The following THSD7A variants were observed in gnomAD, a reference collection of about 807,000 sequenced individuals.
THSD7A encodes the protein thrombospondin type 1 domain containing 7A, also known as thrombospondin type-1 domain-containing protein 7A.
Under a neutral mutation model 231.3 loss-of-function variants are expected in THSD7A, and 96 were observed. That is an observed-to-expected ratio of 0.41 (90% confidence interval 0.35 to 0.49). The LOEUF is 0.49. Among genes scored for constraint, THSD7A ranks in the 20% least tolerant of loss-of-function variants. The pLI is 0.05. For missense variants in THSD7A, 2,290 were observed against 2,070.2 expected (o/e 1.11, Z -2.06); for synonymous variants, 940 against 743.3 (o/e 1.26, Z -4.30).
rs1001942368 is a variant in THSD7A at position 11,590,542 on chromosome 7, C to T, written c.1371G>A (p.Gly457=). The T allele has an allele frequency of 2.5e-6, 4 of 1,613,766 alleles. No individual in the cohort carries two copies. The African/African-American group carries it at 4.0e-5, about 16-fold the overall frequency. The change falls in exon 4 of 28, where the codon GGG becomes GGA. Residue 457 remains glycine, a synonymous_variant. Coordinates refer to ENST00000423059, the MANE Select transcript of THSD7A (RefSeq NM_015204.3). The surrounding 1 kb of genome is among the most constrained non-coding windows in gnomAD (Gnocchi z 4.4). ...RRGNQTALCG[G]GIQTREVYCV... ...AGTACACCTCTCGGGTCTGGATGCC[C>T]CCTCCACAGAGGGCCGTCTGGTTGC...
At chr7:11,769,139 A>ATT (rs1562541243) in intron 1 of THSD7A, among the ~76,000 whole-genome samples, 3 of 36,740 alleles carry the variant, frequency 8.2e-5, no homozygotes, top group African/African-American at 1.5e-4. Flanking sequence ...ATATATATAT[A>ATT]TATATATATA....
At chr7:11,586,233 G>A (rs1261043711) in intron 4 of THSD7A, among the ~76,000 whole-genome samples, 1 of 152,146 alleles carries the variant, frequency 6.6e-6, no homozygotes, top group Non-Finnish European at 1.5e-5. Flanking sequence ...GAAAGTTTTA[G>A]AAGTCAGTAA....
chr7:11,431,492 T>G (rs1784476969), intron 13 of THSD7A, among the ~76,000 whole-genome samples: 1 of 152,162 alleles, frequency 6.6e-6, no homozygotes, highest in Non-Finnish European at 1.5e-5. Context: ...TTGTTGAAAA[T>G]CAGTTGACCA....
intron 1 of THSD7A, among the ~76,000 whole-genome samples, chr7:11,767,302 A>G (rs368367969): frequency 1.5e-3 from 223 of 152,236 alleles, no homozygotes; most frequent in African/African-American, 5.3e-3. Flanking sequence ...GATGACCTAC[A>G]TTATCTGGTT....
At chr7:11,418,823 A>ATT (rs879259927) in intron 16 of THSD7A, among the ~76,000 whole-genome samples, 1 of 148,992 alleles carries the variant, frequency 6.7e-6, no homozygotes, top group Non-Finnish European at 1.5e-5. Context: ...CTACCTGTGC[A>ATT]TTTTTTTTTT....
intron 1 of THSD7A, among the ~76,000 whole-genome samples, chr7:11,713,184 A>G (rs891620736): frequency 6.6e-6 from 1 of 151,292 alleles, no homozygotes; most frequent in African/African-American, 2.4e-5. Flanking sequence ...TAGCAGCCAG[A>G]TAAAGAGATG....
At chr7:11,701,688 G>GCATTTCTAA (rs1780605866) in intron 1 of THSD7A, among the ~76,000 whole-genome samples, 2 of 151,044 alleles carry the variant, frequency 1.3e-5, no homozygotes, top group Non-Finnish European at 3.0e-5. Flanking sequence ...CTGACATTTA[G>GCATTTCTAA]CATTTCTAAC....
chr7:11,471,570 C>T (rs1785939253), intron 8 of THSD7A, among the ~76,000 whole-genome samples: 1 of 152,008 alleles, frequency 6.6e-6, no homozygotes, highest in South Asian at 2.1e-4. Context: ...TCCTCTCTTA[C>T]TTTAAAACCC....
At chr7:11,449,760 C>A (rs1264297269) in intron 11 of THSD7A, among the ~76,000 whole-genome samples, 2 of 151,974 alleles carry the variant, frequency 1.3e-5, no homozygotes, top group Non-Finnish European at 2.9e-5. Flanking sequence ...AGGATTGACC[C>A]TTTCAGACAC....
At chr7:11,820,273 A>G (rs577443269) in intron 1 of THSD7A, 42 of 460,098 alleles carry the variant, frequency 9.1e-5, no homozygotes, top group African/African-American at 7.5e-4. Context: ...CCATCTTTCC[A>G]GCACCTCTCT....
intron 1 of THSD7A, among the ~76,000 whole-genome samples, chr7:11,649,080 A>C (rs1208418777): frequency 6.6e-6 from 1 of 152,008 alleles, no homozygotes; most frequent in African/African-American, 2.4e-5. Flanking sequence ...TTTGTGTATA[A>C]CTTACAAGTT....
intron 1 of THSD7A, among the ~76,000 whole-genome samples, chr7:11,731,887 A>T (rs1243782686): frequency 7.0e-6 from 1 of 143,318 alleles, no homozygotes; most frequent in Non-Finnish European, 1.5e-5. Flanking sequence ...ATATCTGCTG[A>T]TTTTAATTGT....
intron 1 of THSD7A, among the ~76,000 whole-genome samples, chr7:11,742,896 G>A (rs1013975879): frequency 6.6e-6 from 1 of 151,734 alleles, no homozygotes; most frequent in African/African-American, 2.4e-5. Flanking sequence ...TGTTCATTGA[G>A]GTTTACAATA....
chr7:11,719,023 G>A (rs1051926748), intron 1 of THSD7A, among the ~76,000 whole-genome samples: 18 of 151,504 alleles, frequency 1.2e-4, no homozygotes, highest in African/African-American at 4.1e-4. Context: ...AGAAGAGCAG[G>A]ACTATGTATT....
chr7:11,397,786 C>T (rs1783244436), intron 23 of THSD7A, among the ~76,000 whole-genome samples: 2 of 151,970 alleles, frequency 1.3e-5, no homozygotes, highest in African/African-American at 4.8e-5. Flanking sequence ...ATGCAGCCAA[C>T]AAACATGAAA....
intron 1 of THSD7A, among the ~76,000 whole-genome samples, chr7:11,706,198 ATT>A (rs915747293): frequency 6.6e-6 from 1 of 150,994 alleles, no homozygotes; most frequent in Non-Finnish European, 1.5e-5. Flanking sequence ...CAAAGGCACC[ATT>A]TTGTAGTTTG....
At chr7:11,503,619 A>G (rs1030811736) in intron 6 of THSD7A, among the ~76,000 whole-genome samples, 5 of 150,818 alleles carry the variant, frequency 3.3e-5, no homozygotes, top group African/African-American at 1.2e-4. Flanking sequence ...CACAAGAAAA[A>G]CAAACGACTC....
At chr7:11,708,133 G>A (rs1226599361) in intron 1 of THSD7A, among the ~76,000 whole-genome samples, 1 of 150,632 alleles carries the variant, frequency 6.6e-6, no homozygotes, top group Non-Finnish European at 1.5e-5. Flanking sequence ...AAAGCCTAGA[G>A]TTAAAGCTAG....
intron 1 of THSD7A, among the ~76,000 whole-genome samples, chr7:11,724,621 A>G (rs1356517239): frequency 6.6e-6 from 1 of 151,940 alleles, no homozygotes; most frequent in Non-Finnish European, 1.5e-5. Context: ...CTAAATTTTG[A>G]TACTTTGATA....
Sources: allele counts gnomAD v4.1 joint callset (sites outside exome capture counted in the v4.1 genomes callset), GRCh38; gene constraint gnomAD v4.1.1; non-coding constraint Gnocchi (gnomAD v3.1); transcripts MANE v1.5; gene names NCBI Gene and HGNC (gene_info 2026-07-23, HGNC 2026-07-21).